Variants in GREB1L observed in about 807,000 individuals in gnomAD.
GREB1L encodes GREB1 like retinoic acid receptor coactivator, also known as GREB1-like protein.
In GREB1L, 17 loss-of-function variants were observed where a neutral mutation model predicts 200.8. The ratio of observed to expected loss-of-function variants is 0.08; its 90% CI spans 0.06 to 0.13. The LOEUF (loss-of-function observed/expected upper bound fraction) is 0.13, where lower values mean the gene tolerates loss of function less well. Among genes scored for constraint, GREB1L ranks in the 10% least tolerant of loss-of-function variants. The pLI, the probability that GREB1L is intolerant of heterozygous loss-of-function variation, is 1.00. For missense variants in GREB1L, 1,657 were observed against 2,367.7 expected, an observed-to-expected ratio of 0.70 and a Z score of 6.23; for synonymous variants, 789 against 893.0, an observed-to-expected ratio of 0.88 and a Z score of 2.08.
At chr18:21,307,800 T>C (rs1336036044) in intron 1 of GREB1L, among the ~76,000 whole-genome samples, 1 of 152,104 alleles carries the variant, frequency 6.6e-6, no homozygotes, top group East Asian at 1.9e-4. Context: ...TGCTCCCTCC[T>C]TGTGGGGTTG....
chr18:21,397,270 G>C (rs1449281607), intron 5 of GREB1L, among the ~76,000 whole-genome samples: 4 of 151,594 alleles, frequency 2.6e-5, no homozygotes, highest in Non-Finnish European at 4.4e-5. Context: ...CGAGGTGGGC[G>C]GATCATGAGG....
intron 2 of GREB1L, among the ~76,000 whole-genome samples, chr18:21,366,811 C>T (rs879779758): frequency 3.9e-5 from 6 of 152,062 alleles, no homozygotes; most frequent in Non-Finnish European, 7.4e-5. Flanking sequence ...TTTTATAACA[C>T]GTTGTATCCT....
intron 1 of GREB1L, among the ~76,000 whole-genome samples, chr18:21,243,192 T>C (rs190118442): frequency 3.0e-3 from 450 of 152,020 alleles, no homozygotes; most frequent in Middle Eastern, 6.8e-3. Flanking sequence ...GGAAATCCAT[T>C]CCCGCCGTCC....
At chr18:21,258,477 TA>T (rs1368714171) in intron 1 of GREB1L, among the ~76,000 whole-genome samples, 49 of 152,332 alleles carry the variant, frequency 3.2e-4, no homozygotes, top group African/African-American at 1.2e-3. Context: ...CATGGCTATG[TA>T]TTACATCCTT....
At chr18:21,419,940 G>A (rs1475620491) in intron 7 of GREB1L, among the ~76,000 whole-genome samples, 2 of 152,150 alleles carry the variant, frequency 1.3e-5, no homozygotes, top group Non-Finnish European at 2.9e-5. Flanking sequence ...ACTTGTAGAA[G>A]AAAACATGGG....
At chr18:21,451,549 G>A (rs539612719) in intron 13 of GREB1L, among the ~76,000 whole-genome samples, 35 of 130,010 alleles carry the variant, frequency 2.7e-4, no homozygotes, top group African/African-American at 9.9e-4. Context: ...GTGCAGTAGC[G>A]TGATTATAGC....
At chr18:21,416,466 G>A (rs1435760682) in intron 7 of GREB1L, among the ~76,000 whole-genome samples, 1 of 151,958 alleles carries the variant, frequency 6.6e-6, no homozygotes, top group Non-Finnish European at 1.5e-5. Flanking sequence ...AAACTACACC[G>A]CGGATCACGA....
chr18:21,319,605 G>C (rs1373603910), intron 1 of GREB1L, among the ~76,000 whole-genome samples: 4 of 152,128 alleles, frequency 2.6e-5, no homozygotes. Context: ...AAGGCAACTA[G>C]GAAAAAGAGA....
intron 5 of GREB1L, among the ~76,000 whole-genome samples, chr18:21,400,108 A>G (rs764917110): frequency 6.6e-6 from 1 of 151,706 alleles, no homozygotes; most frequent in African/African-American, 2.4e-5. Flanking sequence ...GTTCATCTAT[A>G]TAACAGTAAA....
chr18:21,401,071 T>C (rs1432531113), intron 5 of GREB1L, 79 bp from the exon 6 acceptor site: 7 of 1,182,688 alleles, frequency 5.9e-6, no homozygotes, highest in Non-Finnish European at 8.4e-6. Context: ...AGAATGTGAA[T>C]GTTTCTATGC....
At chr18:21,499,389 G>A (rs1445244019) in intron 21 of GREB1L, among the ~76,000 whole-genome samples, 2 of 152,102 alleles carry the variant, frequency 1.3e-5, no homozygotes, top group South Asian at 2.1e-4. Context: ...CCTGGCCACC[G>A]TGGGCCTGAC....
intron 15 of GREB1L, among the ~76,000 whole-genome samples, chr18:21,463,855 C>T (rs955931846): frequency 6.6e-6 from 1 of 152,166 alleles, no homozygotes; most frequent in Non-Finnish European, 1.5e-5. Context: ...CCCACTGTCC[C>T]AGCTCTGAAG....
intron 15 of GREB1L, among the ~76,000 whole-genome samples, chr18:21,458,262 C>T (rs927561852): frequency 1.3e-5 from 2 of 152,258 alleles, no homozygotes; most frequent in Non-Finnish European, 2.9e-5. Context: ...TGAGCCACCG[C>T]GCCCGGCCCA....
chr18:21,489,892 C>T (rs1439060972), intron 18 of GREB1L, 120 bp from the exon 19 acceptor site: 2 of 704,476 alleles, frequency 2.8e-6, no homozygotes, highest in African/African-American at 3.6e-5. Flanking sequence ...AACTAAAGCC[C>T]CACCACACTG....
chr18:21,371,324 T>C (rs1461894501), intron 2 of GREB1L, among the ~76,000 whole-genome samples: 1 of 152,190 alleles, frequency 6.6e-6, no homozygotes, highest in Admixed American at 6.5e-5. Context: ...AAATTGTATA[T>C]AGTGCCAAAT....
At chr18:21,437,375 G>T (rs1449061403) in intron 7 of GREB1L, among the ~76,000 whole-genome samples, 3 of 152,144 alleles carry the variant, frequency 2.0e-5, no homozygotes, top group Non-Finnish European at 4.4e-5. Flanking sequence ...AGCATTAAAA[G>T]AATCAAGTAA....
chr18:21,408,666 T>C (rs2030577342), intron 7 of GREB1L, among the ~76,000 whole-genome samples: 1 of 151,872 alleles, frequency 6.6e-6, no homozygotes, highest in South Asian at 2.1e-4. Context: ...TGGTGGTGCA[T>C]GCCTGTAATT....
chr18:21,485,993 C>T (rs2036113476), intron 18 of GREB1L, among the ~76,000 whole-genome samples: 1 of 152,172 alleles, frequency 6.6e-6, no homozygotes, highest in South Asian at 2.1e-4. Flanking sequence ...CATGCTGAGT[C>T]AGCTCCCGGT....
At chr18:21,480,023 G>A (rs922169427) in intron 17 of GREB1L, among the ~76,000 whole-genome samples, 1 of 152,202 alleles carries the variant, frequency 6.6e-6, no homozygotes, top group Admixed American at 6.5e-5. Flanking sequence ...TTACAGGCAT[G>A]AGCCACTGTA....
Sources: allele counts gnomAD v4.1 joint callset (sites outside exome capture counted in the v4.1 genomes callset), GRCh38; gene constraint gnomAD v4.1.1; transcripts MANE v1.5; gene names NCBI Gene and HGNC (gene_info 2026-07-23, HGNC 2026-07-21).